NHS: variants seen among roughly 807,000 people sequenced by gnomAD.
NHS encodes the protein NHS actin remodeling regulator, also known as actin remodeling regulator NHS.
NHS carries 5 observed loss-of-function variants against 72.5 expected under a neutral mutation model. The observed-to-expected ratio is 0.07, with a 90% CI of 0.04 to 0.14. NHS has a LOEUF of 0.14. Among genes scored for constraint, NHS ranks in the 10% least tolerant of loss-of-function variants. The pLI, the probability that NHS is intolerant of heterozygous loss-of-function variation, is 1.00. For missense variants in NHS, 1,072 were observed against 1,355.7 expected (o/e 0.79, Z 3.29); for synonymous variants, 464 against 547.7 (o/e 0.85, Z 2.13).
At chrX:17,435,685 G>T (rs938186325) in intron 1 of NHS, among the ~76,000 whole-genome samples, 2 of 112,925 alleles carry the variant, frequency 1.8e-5, no homozygotes, top group Non-Finnish European at 3.7e-5. Context: ...GTTTCACTGG[G>T]GTTGGGCAAG....
chrX:17,550,855 A>G (rs1478354699), intron 1 of NHS, among the ~76,000 whole-genome samples: 1 of 111,848 alleles, frequency 8.9e-6, no homozygotes, highest in African/African-American at 3.3e-5. Context: ...GGAGTGGCCC[A>G]CAAGACCCTA....
intron 1 of NHS, among the ~76,000 whole-genome samples, chrX:17,633,652 T>C (rs1284576374): frequency 1.8e-5 from 2 of 112,259 alleles, no homozygotes; most frequent in Non-Finnish European, 3.8e-5. Context: ...GGCTTTGCCA[T>C]GAACAACAAA....
At chrX:17,725,141 T>C (rs1420726228) in intron 6 of NHS, among the ~76,000 whole-genome samples, 2 of 110,793 alleles carry the variant, frequency 1.8e-5, no homozygotes, top group African/African-American at 6.6e-5. Context: ...TCTCTTGGTA[T>C]GTATATATAC....
At chrX:17,382,420 A>G (rs1239764114) in intron 1 of NHS, among the ~76,000 whole-genome samples, 1 of 111,902 alleles carries the variant, frequency 8.9e-6, no homozygotes, top group African/African-American at 3.2e-5. Context: ...CAGTTTATCA[A>G]TCCTTTTCTT....
chrX:17,392,366 G>A (rs1271413845), intron 1 of NHS, among the ~76,000 whole-genome samples: 1 of 112,344 alleles, frequency 8.9e-6, no homozygotes, highest in Non-Finnish European at 1.9e-5. Context: ...ATTTGTTACA[G>A]CAGTTAGCCA....
At chrX:17,703,448 C>T (rs931802054) in intron 3 of NHS, among the ~76,000 whole-genome samples, 2 of 112,427 alleles carry the variant, frequency 1.8e-5, no homozygotes, top group Admixed American at 9.4e-5. Context: ...ATGACAGCAA[C>T]CTGATTACTT....
At position 17,375,930 on chromosome X, in the gene NHS, C is replaced by T. The variant is rs950324130; in HGVS notation, c.173C>T (p.Ala58Val). ...GAGGCGCCAGGGCCAGAGGAGCCAG[C>T]CCGCGCCGTCCCTGCACCTTCAGGG... ...EVEAPGPEEP[A>V]RAVPAPSGLP... is the part of the protein sequence containing the mutation. Residue 58 changes from alanine (A) to valine (V), a missense_variant, in exon 1 of 9, where the codon GCC (alanine) becomes GTC (valine). By Grantham distance (64) the Ala-to-Val change is moderately conservative (BLOSUM62 0). Transcript: ENST00000676302. 9.2e-7 allele frequency: 1 copy of T among 1,091,523 alleles called. No homozygotes were observed. Among genetic ancestry groups the T allele is most frequent in the Non-Finnish European group, 1.2e-6 (1 of 843,059 alleles). 90.0% of individuals were successfully genotyped at this position (1,091,523 alleles called of 1,213,427 possible).
At chrX:17,432,158 T>C (rs2064697251) in intron 1 of NHS, among the ~76,000 whole-genome samples, 1 of 112,739 alleles carries the variant, frequency 8.9e-6, no homozygotes, top group Non-Finnish European at 1.9e-5. Context: ...TTAACTTTTC[T>C]AATCTGTGGA....
intron 1 of NHS, among the ~76,000 whole-genome samples, chrX:17,503,989 A>G (rs1018355785): frequency 9.0e-6 from 1 of 111,499 alleles, no homozygotes; most frequent in Non-Finnish European, 1.9e-5. Flanking sequence ...GAAGTCTGGG[A>G]AACACTGCAT....
rs746713464 is a variant in NHS at position 17,731,999 on chromosome X, G to A, written c.4491G>A (p.Gln1497=). 2 of 1,211,635 alleles carry A rather than the reference G, an allele frequency of 1.7e-6. No homozygotes were observed. The highest frequency in any genetic ancestry group is 1.1e-6 in the Non-Finnish European group (1 of 895,528). ...GTAATGTGACAACCCCCAACAGCCA[G>A]AGGTCTCCTGGTCTCATATACCGAA... The part of the protein sequence containing the change: ...PSSNVTTPNS[Q]RSPGLIYRNA... The change falls in exon 9 of 9, where the codon CAG becomes CAA. Residue 1497 remains glutamine, a synonymous_variant. Transcript: ENST00000676302.
chrX:17,609,517 A>T (rs2065698361), intron 1 of NHS, among the ~76,000 whole-genome samples: 2 of 111,745 alleles, frequency 1.8e-5, no homozygotes, highest in African/African-American at 6.5e-5. Context: ...AAAGTGGAGG[A>T]TCTTTGTTGG....
At chrX:17,725,302 C>T in intron 6 of NHS, 45 bp from the exon 7 acceptor site, 5 of 1,140,123 alleles carry the variant, frequency 4.4e-6, no homozygotes, top group East Asian at 3.0e-5. Flanking sequence ...GTCTGTTGGT[C>T]TGCTGATATA....
At chrX:17,585,704 G>A (rs1043491792) in intron 1 of NHS, among the ~76,000 whole-genome samples, 1 of 108,022 alleles carries the variant, frequency 9.3e-6, no homozygotes, top group Non-Finnish European at 1.9e-5. Context: ...CACCTCCCAG[G>A]GATATCATGG....
chrX:17,464,696 AGTGT>A (rs2064863543), intron 1 of NHS, among the ~76,000 whole-genome samples: 1 of 112,758 alleles, frequency 8.9e-6, no homozygotes, highest in African/African-American at 3.2e-5. Flanking sequence ...ATCCCAGCTT[AGTGT>A]TTCACCAGAA....
intron 1 of NHS, among the ~76,000 whole-genome samples, chrX:17,417,887 C>A (rs1475885019): frequency 9.0e-6 from 1 of 111,729 alleles, no homozygotes; most frequent in African/African-American, 3.3e-5. Flanking sequence ...CAATGTTGTA[C>A]CTTTGGTTAA....
intron 1 of NHS, among the ~76,000 whole-genome samples, chrX:17,606,427 G>A (rs1364954929): frequency 1.8e-5 from 2 of 111,978 alleles, no homozygotes; most frequent in African/African-American, 6.5e-5. Context: ...GGGCCGACGT[G>A]ACATGTTGTC....
intron 1 of NHS, among the ~76,000 whole-genome samples, chrX:17,482,102 A>C (rs960991554): frequency 8.9e-6 from 1 of 111,762 alleles, no homozygotes; most frequent in African/African-American, 3.3e-5. Context: ...TCATTTCTAA[A>C]ATGGGGATAC....
At chrX:17,382,214 G>A (rs1443316594) in intron 1 of NHS, among the ~76,000 whole-genome samples, 1 of 111,000 alleles carries the variant, frequency 9.0e-6, no homozygotes, top group African/African-American at 3.3e-5. Context: ...TTATTTCATC[G>A]CCCAGGTAAT....
At chrX:17,597,109 T>C (rs1436074329) in intron 1 of NHS, among the ~76,000 whole-genome samples, 1 of 101,101 alleles carries the variant, frequency 9.9e-6, no homozygotes, top group Non-Finnish European at 1.9e-5. Flanking sequence ...CTTAAGACTA[T>C]TCTTCCGTTT....
Sources: allele counts gnomAD v4.1 joint callset (sites outside exome capture counted in the v4.1 genomes callset), GRCh38; gene constraint gnomAD v4.1.1; transcripts MANE v1.5; gene names NCBI Gene and HGNC (gene_info 2026-07-23, HGNC 2026-07-21).